The following SHISA6 variants were observed in gnomAD, a reference collection of about 807,000 sequenced individuals.
SHISA6 encodes the protein shisa family member 6, also known as protein shisa-6.
A neutral mutation model predicts 47.9 loss-of-function variants in SHISA6; 22 were observed. The ratio of observed to expected loss-of-function variants is 0.46; its 90% CI spans 0.33 to 0.66. The LOEUF (loss-of-function observed/expected upper bound fraction) is 0.66, where lower values mean the gene tolerates loss of function less well. Among genes scored for constraint, SHISA6 ranks in the 30% least tolerant of loss-of-function variants. The probability of loss-of-function intolerance (pLI) is 0.02; values close to 1 mark genes in which losing one functional copy is unlikely to be tolerated. For missense variants in SHISA6, 680 were observed against 764.6 expected (o/e 0.89, Z 1.30); for synonymous variants, 388 against 337.8 (o/e 1.15, Z -1.63).
chr17:11,374,286 A>G (rs189012244), intron 2 of SHISA6, among the ~76,000 whole-genome samples: 25 of 152,250 alleles, frequency 1.6e-4, no homozygotes, highest in African/African-American at 5.5e-4. Flanking sequence ...CTAGAAAGTA[A>G]TGTAAATATA....
intron 2 of SHISA6, among the ~76,000 whole-genome samples, chr17:11,353,357 T>G (rs1339099110): frequency 1.3e-5 from 2 of 150,584 alleles, no homozygotes; most frequent in African/African-American, 4.9e-5. Context: ...CTCGGGAGGC[T>G]GAGGCAAAAG....
Position 11,241,532 on chromosome 17 carries a change from C to A in SHISA6, c.110C>A (p.Ala37Glu). The A allele has an allele frequency of 9.1e-7, 1 of 1,103,490 alleles. No individual in the cohort carries two copies. The highest frequency in any genetic ancestry group is 1.1e-6 in the Non-Finnish European group (1 of 907,188). 68.4% of individuals were successfully genotyped at this position (1,103,490 alleles called of 1,614,324 possible). A position where few individuals can be genotyped will look rare whatever the true frequency, so the allele number is the denominator to read the frequency against. Residue 37 changes from alanine to glutamate, a missense_variant, in exon 1 of 6, where the codon GCA becomes GAA. By Grantham distance (107) the Ala-to-Glu change is moderately radical. This residue lies in a region of SHISA6 where 121 missense variants were observed against 90.5 expected (regional missense o/e 1.34). Coordinates refer to ENST00000441885, the MANE Select transcript of SHISA6 (RefSeq NM_207386.4). This position sits in a 1 kb window ranked among gnomAD's most constrained non-coding sequence, Gnocchi z 5.5. The part of the protein sequence containing the change: ...RGRAANRTLS[A>E]GGAAVGGRRA... ...CGCGCCGCCAACCGGACCCTGAGTG[C>A]AGGCGGCGCTGCCGTCGGGGGCCGG...
intron 2 of SHISA6, among the ~76,000 whole-genome samples, chr17:11,282,442 A>G (rs1909155378): frequency 6.6e-6 from 1 of 151,652 alleles, no homozygotes; most frequent in African/African-American, 2.4e-5. Flanking sequence ...GTACCTGTGC[A>G]CAACATGCAG....
chr17:11,249,352 A>G (rs1308222653), intron 1 of SHISA6, among the ~76,000 whole-genome samples: 5 of 151,958 alleles, frequency 3.3e-5, no homozygotes, highest in South Asian at 2.1e-4. Flanking sequence ...GTGTGATTTC[A>G]GGGTTATCTT....
At chr17:11,339,165 T>TAAA (rs74468692) in intron 2 of SHISA6, among the ~76,000 whole-genome samples, 2 of 136,984 alleles carry the variant, frequency 1.5e-5, no homozygotes, top group Non-Finnish European at 3.2e-5. Context: ...AAAGTATGAT[T>TAAA]AAAAAAAAAA....
intron 2 of SHISA6, among the ~76,000 whole-genome samples, chr17:11,353,697 T>C (rs1911979489): frequency 6.6e-6 from 1 of 152,086 alleles, no homozygotes; most frequent in African/African-American, 2.4e-5. Context: ...GAGGACACTG[T>C]GATAAACAGG....
rs542413814 is a variant in SHISA6 at position 11,476,756 on chromosome 17, G to A, written c.896-75140G>A. Among the ~76,000 whole-genome samples, 7 of 152,152 alleles carry A rather than the reference G, an allele frequency of 4.6e-5. No individual in the cohort carries two copies. In the South Asian group the frequency reaches 1.2e-3, roughly 27 times the overall value. ...TTGCTAGTGTTAGATGAAGTAATCT[G>A]TAGATGCAATTACATTCATTTAATT... On this transcript the variant is annotated intron_variant, in intron 3 of 5. Transcript: ENST00000441885.
intron 5 of SHISA6, among the ~76,000 whole-genome samples, chr17:11,556,216 T>C (rs2071978271): frequency 6.6e-6 from 1 of 152,148 alleles, no homozygotes; most frequent in Non-Finnish European, 1.5e-5. Context: ...CTTCAAACCA[T>C]GGGCCTTCCT....
chr17:11,296,597 A>T (rs1909758589), intron 2 of SHISA6, among the ~76,000 whole-genome samples: 3 of 152,148 alleles, frequency 2.0e-5, no homozygotes, highest in African/African-American at 7.2e-5. Flanking sequence ...CGTAGGAGAC[A>T]TTGCTTACCT....
Position 11,262,638 on chromosome 17 carries a change from G to A in SHISA6, c.639-728G>A, listed in dbSNP as rs1007297715. 4.4e-4 allele frequency among the ~76,000 whole-genome samples: 67 copies of A among 152,210 alleles called. 1 individual carries two copies. Among genetic ancestry groups the A allele is most frequent in the Non-Finnish European group, 1.2e-4 (8 of 68,028 alleles). ...GCATGTTTGGTTGTTGAAGCTAGGC[G>A]CTGAGTTAACAAAAGCTGCTTTCTC... On this transcript the variant is annotated intron_variant, in intron 1 of 5. Coordinates refer to ENST00000441885, the MANE Select transcript of SHISA6 (RefSeq NM_207386.4).
intron 2 of SHISA6, among the ~76,000 whole-genome samples, chr17:11,283,229 A>AT (rs1909182506): frequency 6.6e-6 from 1 of 152,248 alleles, no homozygotes; most frequent in African/African-American, 2.4e-5. Context: ...AAGCAACTAT[A>AT]TATGTACATA....
At chr17:11,338,082 A>C (rs1911384829) in intron 2 of SHISA6, among the ~76,000 whole-genome samples, 1 of 152,182 alleles carries the variant, frequency 6.6e-6, no homozygotes, top group South Asian at 2.1e-4. Flanking sequence ...ACAATGTAGA[A>C]AAACACATTG....
chr17:11,473,793 A>G (rs1051812034), intron 3 of SHISA6, among the ~76,000 whole-genome samples: 1 of 151,856 alleles, frequency 6.6e-6, no homozygotes, highest in African/African-American at 2.4e-5. Context: ...CAGATTGTGC[A>G]GGTTTGTTAC....
chr17:11,379,557 A>G (rs1441669881), intron 3 of SHISA6, 48 bp downstream of exon 3: 3 of 1,319,766 alleles, frequency 2.3e-6, no homozygotes, highest in South Asian at 1.3e-5. Flanking sequence ...TGCCTAGGGA[A>G]CGCCATCTGA....
At chr17:11,352,433 T>C (rs531399479) in intron 2 of SHISA6, among the ~76,000 whole-genome samples, 1 of 152,308 alleles carries the variant, frequency 6.6e-6, no homozygotes, top group Non-Finnish European at 1.5e-5. Flanking sequence ...AAAGCTGAAT[T>C]ATTGCAGAAG....
intron 2 of SHISA6, among the ~76,000 whole-genome samples, chr17:11,318,134 C>CA (rs1342770428): frequency 5.4e-4 from 1 of 1,848 alleles, no homozygotes; most frequent in African/African-American, 6.5e-4. Context: ...GCCATTATCA[C>CA]AGGAAAAAAT....
chr17:11,258,841 T>C (rs1293366961), intron 1 of SHISA6, among the ~76,000 whole-genome samples: 2 of 152,214 alleles, frequency 1.3e-5, no homozygotes, highest in Admixed American at 1.3e-4. Flanking sequence ...TGGGTAGGTC[T>C]TTGCCCCAAC....
At chr17:11,480,402 T>C (rs1916180489) in intron 3 of SHISA6, among the ~76,000 whole-genome samples, 1 of 151,964 alleles carries the variant, frequency 6.6e-6, no homozygotes, top group Admixed American at 6.6e-5. Context: ...AGTGAATGAG[T>C]GAATGAATGA....
intron 2 of SHISA6, among the ~76,000 whole-genome samples, chr17:11,307,518 A>G (rs57521363): frequency 0.27 from 40,362 of 151,882 alleles, 6,723 homozygotes; most frequent in Non-Finnish European, 0.38. Flanking sequence ...GGCTCACAGT[A>G]CTCTTATTCA....
Sources: allele counts gnomAD v4.1 joint callset (sites outside exome capture counted in the v4.1 genomes callset), GRCh38; gene constraint gnomAD v4.1.1; regional missense constraint gnomAD v4.1.1; non-coding constraint Gnocchi (gnomAD v3.1); transcripts MANE v1.5; gene names NCBI Gene and HGNC (gene_info 2026-07-23, HGNC 2026-07-21).